The following MED12L variants were observed in gnomAD, a reference collection of about 807,000 sequenced individuals.
The protein encoded by MED12L is mediator complex subunit 12L, also known as mediator of RNA polymerase II transcription subunit 12-like protein.
Under a neutral mutation model 281.3 loss-of-function variants are expected in MED12L, and 60 were observed. The observed-to-expected ratio is 0.21, with a 90% CI of 0.17 to 0.26. The LOEUF (loss-of-function observed/expected upper bound fraction) is 0.26. Among genes scored for constraint, MED12L ranks in the 10% least tolerant of loss-of-function variants. MED12L has a pLI of 1.00. For synonymous variants in MED12L, 974 were observed against 987.2 expected (o/e 0.99, Z 0.25); for missense variants, 2,146 against 2,680.9 (o/e 0.80, Z 4.41).
intron 6 of MED12L, among the ~76,000 whole-genome samples, chr3:151,156,762 G>A (rs1006666990): frequency 2.0e-5 from 3 of 151,992 alleles, no homozygotes; most frequent in African/African-American, 7.3e-5. Context: ...TGAGGGGAGG[G>A]GTAAGGGCGT....
chr3:151,210,576 A>C (rs1727009171), intron 16 of MED12L, among the ~76,000 whole-genome samples: 1 of 152,228 alleles, frequency 6.6e-6, no homozygotes, highest in African/African-American at 2.4e-5. Context: ...TAGTTGAATC[A>C]CTTATGCATC....
At chr3:151,242,597 C>G (rs1247677552) in intron 16 of MED12L, among the ~76,000 whole-genome samples, 1 of 152,166 alleles carries the variant, frequency 6.6e-6, no homozygotes, top group Non-Finnish European at 1.5e-5. Flanking sequence ...AAAACACATC[C>G]ACACCAAAAA....
chr3:151,402,404 A>G (rs1406869630), intron 39 of MED12L, among the ~76,000 whole-genome samples: 1 of 152,202 alleles, frequency 6.6e-6, no homozygotes, highest in South Asian at 2.1e-4. Flanking sequence ...TTTGCTGTCT[A>G]CTGTGATTGG....
intron 5 of MED12L, among the ~76,000 whole-genome samples, chr3:151,143,638 G>A (rs1457847248): frequency 2.6e-5 from 4 of 152,286 alleles, no homozygotes; most frequent in South Asian, 2.1e-4. Context: ...TCAGGAGGGT[G>A]GGTGCCTTCC....
chr3:151,289,543 CT>C (rs775509529), intron 16 of MED12L, among the ~76,000 whole-genome samples: 1 of 152,148 alleles, frequency 6.6e-6, no homozygotes, highest in South Asian at 2.1e-4. Context: ...TTGCTTCAGG[CT>C]AGCAGTAACC....
chr3:151,247,624 G>A (rs548210223), intron 16 of MED12L, among the ~76,000 whole-genome samples: 1 of 119,386 alleles, frequency 8.4e-6, no homozygotes, highest in South Asian at 3.2e-4. Flanking sequence ...GGGTCGGGGA[G>A]GGGGGAGGGA....
chr3:151,263,631 A>G (rs1281866595), intron 16 of MED12L, among the ~76,000 whole-genome samples: 2 of 152,186 alleles, frequency 1.3e-5, no homozygotes. Context: ...TTTAAGTGTT[A>G]TTTGAAAGAA....
At chr3:151,368,121 A>C (rs780664294) in intron 24 of MED12L, 29 bp from the exon 25 acceptor site, 2 of 1,579,278 alleles carry the variant, frequency 1.3e-6, no homozygotes, top group Non-Finnish European at 1.7e-6. Flanking sequence ...TGTGTTAGAA[A>C]ACTTGCTTTT....
chr3:151,216,645 C>A lies in MED12L; in HGVS notation c.2250+22979C>A, dbSNP rs192972577. Among the ~76,000 whole-genome samples, 231 of 152,294 alleles carry A rather than the reference C, an allele frequency of 1.5e-3. 1 individual carries two copies. Among genetic ancestry groups the A allele is most frequent in the African/African-American group, 5.4e-3 (224 of 41,574 alleles). On this transcript the variant is annotated intron_variant, in intron 16 of 44. Coordinates refer to ENST00000687756, the MANE Select transcript of MED12L (RefSeq NM_001393769.1). The stretch of plus-strand genomic sequence containing the variant: ...CCCCAAATCACTTCCTCCACAAAAC[C>A]TTTCACTAGCACTATTCTTCCTCTT...
chr3:151,101,110 T>C (rs1721333480), intron 2 of MED12L, among the ~76,000 whole-genome samples: 1 of 152,210 alleles, frequency 6.6e-6, no homozygotes, highest in South Asian at 2.1e-4. Flanking sequence ...CCAGTGACAG[T>C]ATCAGACCAC....
intron 16 of MED12L, among the ~76,000 whole-genome samples, chr3:151,319,556 G>A (rs1030692406): frequency 6.6e-6 from 1 of 150,982 alleles, no homozygotes; most frequent in African/African-American, 2.4e-5. Flanking sequence ...ATACTAGGGT[G>A]ATTTTTTTCC....
Position 151,088,258 on chromosome 3 carries a change from C to G in MED12L, c.99+1233C>G, listed in dbSNP as rs149090491. ...ATCAGTGGAGTCACGCAGATGAAAGCTGGGAAGGTTTTACAGGTGGTTTCC... is the reference window on the plus strand; with the variant it reads ...ATCAGTGGAGTCACGCAGATGAAAGGTGGGAAGGTTTTACAGGTGGTTTCC... On this transcript the variant is annotated intron_variant, in intron 2 of 44. Coordinates refer to ENST00000687756, the MANE Select transcript of MED12L (RefSeq NM_001393769.1). Among the ~76,000 whole-genome samples the G allele has an allele frequency of 4.2e-3, 636 of 152,316 alleles. 2 individuals carry two copies. The highest frequency in any genetic ancestry group is 7.2e-3 in the Non-Finnish European group (488 of 68,026).
rs550797474 is a variant in MED12L, at chr3:151,414,843, G to A, written c.6298-1469G>A. Among the ~76,000 whole-genome samples the A allele has an allele frequency of 5.9e-5, 9 of 152,156 alleles. No individual in the cohort carries two copies. The South Asian group carries it at 1.9e-3, about 32-fold the overall frequency. On this transcript the variant is annotated intron_variant, in intron 42 of 44. Coordinates refer to ENST00000687756, the MANE Select transcript of MED12L (RefSeq NM_001393769.1). ...GGTAAAAGCTCTCTAATCCTGTTTT[G>A]TCATGGAAATACTTATAGTACCTAT...
At chr3:151,274,071 A>G (rs1322642003) in intron 16 of MED12L, among the ~76,000 whole-genome samples, 2 of 152,216 alleles carry the variant, frequency 1.3e-5, no homozygotes, top group Non-Finnish European at 2.9e-5. Context: ...GCAGTGTGCT[A>G]AAGTCGTGGC....
At position 151,388,017 on chromosome 3, in the gene MED12L, C is replaced by T; in HGVS notation, c.5296C>T (p.Pro1766Ser). 1.9e-6 allele frequency: 3 copies of T among 1,614,038 alleles called. No individual in the cohort carries two copies. Among genetic ancestry groups the T allele is most frequent in the Non-Finnish European group, 2.5e-6 (3 of 1,180,000 alleles). ...RSYYLQPLPLPPEEEEEEPTS... is the reference protein window; with the variant it reads ...RSYYLQPLPLSPEEEEEEPTS... ...TTACTACCTCCAGCCACTGCCCCTG[C>T]CTCCTGAGGAGGAAGAGGAAGAGCC... is the stretch of plus-strand genomic sequence containing the variant. The change falls in exon 37 of 45, where the codon CCT becomes TCT. Residue 1766 changes from proline to serine, a missense_variant. Physicochemically the swap from Pro to Ser is moderately conservative, Grantham distance 74 (BLOSUM62 -1). This residue lies in a region of MED12L where 496 missense variants were observed against 512.0 expected (regional missense o/e 0.97). Coordinates refer to ENST00000687756, the MANE Select transcript of MED12L (RefSeq NM_001393769.1).
At chr3:151,222,327 T>C (rs1729530852) in intron 16 of MED12L, among the ~76,000 whole-genome samples, 1 of 152,130 alleles carries the variant, frequency 6.6e-6, no homozygotes, top group Non-Finnish European at 1.5e-5. Context: ...GAAGACATGA[T>C]TGGTTTTGAA....
Position 151,416,091 on chromosome 3 carries a change from C to T in MED12L, c.6298-221C>T, listed in dbSNP as rs560160210. Among the ~76,000 whole-genome samples, 16 of 152,200 alleles carry T rather than the reference C, an allele frequency of 1.1e-4. No homozygotes were observed. In the South Asian group the frequency reaches 1.5e-3, roughly 14 times the overall value. The stretch of plus-strand genomic sequence containing the variant: ...GTACTGACTGCCAGTGGAAGAGATC[C>T]GTAGGGTTGGGGTGGTCCTAGAAGG... On this transcript the variant is annotated intron_variant, in intron 42 of 44. Transcript: ENST00000687756.
At chr3:151,219,265 G>C (rs10513390) in intron 16 of MED12L, among the ~76,000 whole-genome samples, 64,128 of 151,974 alleles carry the variant, frequency 0.42, 15,698 homozygotes, top group Non-Finnish European at 0.54. Context: ...TTCTCTCTTT[G>C]GACAGAATTT....
intron 5 of MED12L, among the ~76,000 whole-genome samples, chr3:151,137,659 A>G (rs985536483): frequency 6.6e-6 from 1 of 152,118 alleles, no homozygotes; most frequent in African/African-American, 2.4e-5. Context: ...GTTTTTAGTA[A>G]TTTCTTCAAT....
Sources: allele counts gnomAD v4.1 joint callset (sites outside exome capture counted in the v4.1 genomes callset), GRCh38; gene constraint gnomAD v4.1.1; regional missense constraint gnomAD v4.1.1; transcripts MANE v1.5; gene names NCBI Gene and HGNC (gene_info 2026-07-23, HGNC 2026-07-21).